IL1RAPL1: variants seen among roughly 807,000 people sequenced by gnomAD.
IL1RAPL1 encodes the protein interleukin 1 receptor accessory protein like 1.
Under a neutral mutation model 48.4 loss-of-function variants are expected in IL1RAPL1, and 3 were observed. That is an observed-to-expected ratio of 0.06 (90% CI 0.03 to 0.16). The LOEUF (loss-of-function observed/expected upper bound fraction) is 0.16. Ranked by LOEUF, IL1RAPL1 falls within the 10% of genes least tolerant of loss-of-function variation. The pLI, the probability that IL1RAPL1 is intolerant of heterozygous loss-of-function variation, is 1.00. For missense variants in IL1RAPL1, 349 were observed against 530.6 expected (o/e 0.66, Z 3.36); for synonymous variants, 185 against 187.7 (o/e 0.99, Z 0.12).
intron 1 of IL1RAPL1, among the ~76,000 whole-genome samples, chrX:28,737,171 TTCCTTCC>T (rs1443495137): frequency 1.4e-5 from 1 of 73,742 alleles, no homozygotes; most frequent in African/African-American, 5.9e-5. Flanking sequence ...CCTTCCTTCC[TTCCTTCC>T]TTTCTTTCCT....
chrX:28,717,281 A>G (rs1231342561), intron 1 of IL1RAPL1, among the ~76,000 whole-genome samples: 1 of 112,484 alleles, frequency 8.9e-6, no homozygotes, highest in Admixed American at 9.4e-5. Context: ...GATAAAGAAA[A>G]TGTAGTACAT....
intron 2 of IL1RAPL1, among the ~76,000 whole-genome samples, chrX:28,947,385 A>G (rs372643443): frequency 6.5e-4 from 73 of 111,562 alleles, no homozygotes; most frequent in African/African-American, 2.1e-3. Context: ...AGTGGCTGGT[A>G]TGGTAAGTGC....
chrX:28,644,810 T>G (rs1052084174), intron 1 of IL1RAPL1, among the ~76,000 whole-genome samples: 4 of 111,654 alleles, frequency 3.6e-5, no homozygotes, highest in Non-Finnish European at 7.5e-5. Context: ...GTTCACACTT[T>G]TATTTAGAGG....
chrX:28,770,561 CA>C (rs1374503418), intron 1 of IL1RAPL1, among the ~76,000 whole-genome samples: 2 of 112,436 alleles, frequency 1.8e-5, no homozygotes, highest in East Asian at 5.6e-4. Flanking sequence ...CATGTGTCAA[CA>C]TATGCAAAGA....
intron 5 of IL1RAPL1, among the ~76,000 whole-genome samples, chrX:29,443,968 G>C (rs769984976): frequency 8.9e-6 from 1 of 112,400 alleles, no homozygotes; most frequent in South Asian, 3.6e-4. Flanking sequence ...ACCAAAGCAA[G>C]TTACATGGGC....
chrX:29,263,139 T>G (rs1466858053), intron 2 of IL1RAPL1, among the ~76,000 whole-genome samples: 1 of 112,044 alleles, frequency 8.9e-6, no homozygotes, highest in East Asian at 2.8e-4. Flanking sequence ...AGAAACAAAT[T>G]GTACTGTATT....
At chrX:28,763,691 T>C (rs542108861) in intron 1 of IL1RAPL1, among the ~76,000 whole-genome samples, 27 of 111,359 alleles carry the variant, frequency 2.4e-4, no homozygotes, top group African/African-American at 8.8e-4. Flanking sequence ...TAGTCCTATG[T>C]TATGTCAGTT....
In IL1RAPL1 at chrX:29,078,654, T is replaced by G. The variant is rs112406184; in HGVS notation, c.83-204284T>G. On this transcript the variant is annotated intron_variant, in intron 2 of 10. Coordinates refer to ENST00000378993, the MANE Select transcript of IL1RAPL1 (RefSeq NM_014271.4). ...ATAACAATCTACTTCCTATCGAAAT[T>G]TCATGGAGAGATAATAGATCAGTAT... Among the ~76,000 whole-genome samples the G allele has an allele frequency of 6.6e-3, 739 of 112,229 alleles. 6 individuals carry two copies. The highest frequency in any genetic ancestry group is 0.021 in the African/African-American group (635 of 30,932).
intron 5 of IL1RAPL1, among the ~76,000 whole-genome samples, chrX:29,554,250 A>C (rs1921919940): frequency 9.0e-6 from 1 of 111,031 alleles, no homozygotes; most frequent in Non-Finnish European, 1.9e-5. Context: ...TAAGTAAGGC[A>C]AGTGACCTTT....
At chrX:28,606,475 G>A (rs1934084479) in intron 1 of IL1RAPL1, among the ~76,000 whole-genome samples, 1 of 111,894 alleles carries the variant, frequency 8.9e-6, no homozygotes, top group Non-Finnish European at 1.9e-5. Flanking sequence ...GTATACACAA[G>A]CATATCTTAT....
intron 5 of IL1RAPL1, among the ~76,000 whole-genome samples, chrX:29,559,982 A>G (rs945099272): frequency 1.8e-5 from 2 of 111,680 alleles, no homozygotes; most frequent in Non-Finnish European, 1.9e-5. Context: ...ACTTACCTTT[A>G]CCAGTGAGTT....
At chrX:29,855,415 C>G (rs1378287561) in intron 6 of IL1RAPL1, among the ~76,000 whole-genome samples, 1 of 111,452 alleles carries the variant, frequency 9.0e-6, no homozygotes, top group Non-Finnish European at 1.9e-5. Context: ...TAAATATATG[C>G]CATTTTTACT....
At chrX:29,950,182 T>A (rs1933287042) in intron 9 of IL1RAPL1, among the ~76,000 whole-genome samples, 1 of 112,177 alleles carries the variant, frequency 8.9e-6, no homozygotes, top group Non-Finnish European at 1.9e-5. Flanking sequence ...CCAGATGACA[T>A]AAGGAGATAG....
chrX:29,455,077 C>T lies in IL1RAPL1; in HGVS notation c.703+55769C>T, dbSNP rs372891335. On this transcript the variant is annotated intron_variant, in intron 5 of 10. Coordinates refer to ENST00000378993, the MANE Select transcript of IL1RAPL1 (RefSeq NM_014271.4). ...TGAAATCATTTTAAATAAAGTCTGA[C>T]GGGGAGGGAGAGCATCAGCATAAAT... Among the ~76,000 whole-genome samples the T allele has an allele frequency of 5.4e-5, 6 of 110,884 alleles. No homozygotes were observed. In the East Asian group the frequency reaches 1.1e-3, roughly 21 times the overall value.
chrX:29,954,845 A>G (rs1487689846), intron 10 of IL1RAPL1, among the ~76,000 whole-genome samples, 153 bp downstream of exon 10: 1 of 112,272 alleles, frequency 8.9e-6, no homozygotes, highest in African/African-American at 3.2e-5. Context: ...GTTCACATGA[A>G]ATTTAATTTT....
chrX:29,545,296 A>G (rs1422523072), intron 5 of IL1RAPL1, among the ~76,000 whole-genome samples: 1 of 110,663 alleles, frequency 9.0e-6, no homozygotes, highest in East Asian at 2.8e-4. Context: ...AGTTTTCCTG[A>G]GTCTTTTTCT....
intron 1 of IL1RAPL1, among the ~76,000 whole-genome samples, chrX:28,647,509 G>GA (rs1183234400): frequency 8.9e-6 from 1 of 112,036 alleles, no homozygotes; most frequent in African/African-American, 3.2e-5. Flanking sequence ...TCTGCTGTAA[G>GA]AAAAAAACAT....
intron 1 of IL1RAPL1, among the ~76,000 whole-genome samples, chrX:28,678,794 A>C (rs767422585): frequency 2.0e-4 from 22 of 112,354 alleles, no homozygotes; most frequent in Non-Finnish European, 3.4e-4. Flanking sequence ...TTGTTTTAAA[A>C]TTTAAGTGAA....
intron 5 of IL1RAPL1, among the ~76,000 whole-genome samples, chrX:29,488,515 A>G (rs1421171622): frequency 1.8e-5 from 2 of 112,452 alleles, no homozygotes; most frequent in Non-Finnish European, 3.8e-5. Context: ...ACTATAGTTA[A>G]TAATAATGTG....
Sources: allele counts gnomAD v4.1 joint callset (sites outside exome capture counted in the v4.1 genomes callset), GRCh38; gene constraint gnomAD v4.1.1; transcripts MANE v1.5; gene names NCBI Gene and HGNC (gene_info 2026-07-23, HGNC 2026-07-21).